MYO19: variants seen among roughly 807,000 people sequenced by gnomAD.
MYO19 encodes unconventional myosin-XIX.
MYO19 carries 132 observed loss-of-function variants against 129.2 expected under a neutral mutation model. The observed-to-expected ratio is 1.02, with a 90% CI of 0.89 to 1.18. MYO19 has a LOEUF of 1.18. Ranked by LOEUF, MYO19 falls within the 50% of genes most tolerant of loss-of-function variation. The pLI, the probability that MYO19 is intolerant of heterozygous loss-of-function variation, is 0.00. For missense variants in MYO19, 1,210 were observed against 1,216.7 expected, an observed-to-expected ratio of 0.99 and a Z score of 0.08; for synonymous variants, 531 against 477.2, an observed-to-expected ratio of 1.11 and a Z score of -1.47.
intron 13 of MYO19, 70 bp downstream of exon 13, chr17:36,510,676 T>C: frequency 6.7e-7 from 1 of 1,493,064 alleles, no homozygotes; most frequent in Non-Finnish European, 9.0e-7. Context: ...TGATGTTGTC[T>C]GGCCCAACCC....
intron 6 of MYO19, among the ~76,000 whole-genome samples, chr17:36,516,932 T>A (rs1016960787): frequency 7.2e-5 from 11 of 152,172 alleles, no homozygotes; most frequent in African/African-American, 2.7e-4. Context: ...CTGGTAACAT[T>A]TCTTCCTTAA....
chr17:36,498,004 G>C (rs1316942427), intron 25 of MYO19: 1 of 480,438 alleles, frequency 2.1e-6, no homozygotes, highest in African/African-American at 1.9e-5. Flanking sequence ...ATTGCATTTG[G>C]AAATGGGACT....
At chr17:36,506,823 TG>T in intron 17 of MYO19, 139 bp downstream of exon 17, 2 of 1,186,398 alleles carry the variant, frequency 1.7e-6, no homozygotes, top group Non-Finnish European at 2.3e-6. Context: ...CTCAGACAGG[TG>T]GGCCCAAGAT....
upstream of MYO19, among the ~76,000 whole-genome samples, chr17:36,539,759 C>A (rs1407332949): frequency 1.3e-5 from 2 of 152,176 alleles, no homozygotes; most frequent in Admixed American, 6.6e-5. Context: ...TACCTCAGAG[C>A]TTGCAATCTA....
intron 3 of MYO19, among the ~76,000 whole-genome samples, chr17:36,529,430 T>C (rs2073691912): frequency 6.6e-6 from 1 of 152,168 alleles, no homozygotes; most frequent in Admixed American, 6.5e-5. Context: ...TGAAGACAGG[T>C]ATCTTGCTGA....
rs749865008 is a variant in MYO19, at chr17:36,525,357, G to C, written c.301-16C>G. On this transcript the variant is annotated splice_polypyrimidine_tract_variant and intron_variant, in intron 5 of 25. Coordinates refer to ENST00000614623, the MANE Select transcript of MYO19 (RefSeq NM_001163735.2). ...GCTTCAGTTTCTGGAACATCAAGGA[G>C]TGAAAGGTCATGTGAGGGAATGCCT... is the stretch of plus-strand genomic sequence containing the variant. 6.4e-7 allele frequency: 1 copy of C among 1,569,742 alleles called. No homozygotes were observed. Among genetic ancestry groups the C allele is most frequent in the Non-Finnish European group, 8.8e-7 (1 of 1,140,410 alleles).
intron 25 of MYO19, among the ~76,000 whole-genome samples, chr17:36,497,390 A>C (rs575279547): frequency 2.0e-5 from 3 of 151,790 alleles, no homozygotes; most frequent in Non-Finnish European, 4.4e-5. Context: ...CCAGAAAAGG[A>C]AAAAACCAAG....
Position 36,525,314 on chromosome 17 carries a change from CCA to C in MYO19, c.326_327del (p.Val109GlyfsTer2), listed in dbSNP as rs753547266. 1 of 1,612,824 alleles carries C rather than the reference CCA, an allele frequency of 6.2e-7. No individual in the cohort carries two copies. Among genetic ancestry groups the C allele is most frequent in the East Asian group, 2.2e-5 (1 of 44,840 alleles). ...PQKLKPHVFT[V>X]GEQTYRNVKS... is the part of the protein sequence containing the mutation. ...TTGACATTCCTGTAGGTCTGTTCAC[CCA>C]CAGTGAACACATGGGGCTTCAGTTT... On this transcript the variant is annotated frameshift_variant, in exon 6 of 26. Coordinates refer to ENST00000614623, the MANE Select transcript of MYO19 (RefSeq NM_001163735.2). LOFTEE classifies it high-confidence loss of function.
chr17:36,503,005 T>A, intron 21 of MYO19, 92 bp downstream of exon 21: 2 of 1,065,168 alleles, frequency 1.9e-6, no homozygotes, highest in South Asian at 2.7e-5. Context: ...TATTCACCAG[T>A]AAGCCCCAGC....
intron 11 of MYO19, among the ~76,000 whole-genome samples, chr17:36,511,669 T>G (rs1400978547): frequency 6.6e-6 from 1 of 152,202 alleles, no homozygotes; most frequent in Admixed American, 6.5e-5. Flanking sequence ...GCTACGCCAC[T>G]GCCTATGATA....
chr17:36,510,802 G>A lies in MYO19; in HGVS notation c.1101C>T (p.Cys367=), dbSNP rs1239249877. 16 of 1,601,934 alleles carry A rather than the reference G, an allele frequency of 1.0e-5. No homozygotes were observed. Among genetic ancestry groups the A allele is most frequent in the East Asian group, 4.5e-5 (2 of 44,286 alleles). ...GRQQQVFRKP[C]ARAECDTRRD... ...TACGGGTGTCACACTCGGCTCGGGC[G>A]CAGGGCTTCCGGAACACCTGCTGCT... Residue 367 remains cysteine, a synonymous_variant, in exon 13 of 26, where the codon TGC becomes TGT. Coordinates refer to ENST00000614623, the MANE Select transcript of MYO19 (RefSeq NM_001163735.2).
upstream of MYO19, chr17:36,537,861 AT>A: frequency 6.2e-7 from 1 of 1,614,048 alleles, no homozygotes; most frequent in Non-Finnish European, 8.5e-7. Context: ...ACTGCTGTTG[AT>A]TATTTTTCCC....
chr17:36,529,277 A>C (rs2073682202), intron 3 of MYO19, among the ~76,000 whole-genome samples: 1 of 151,952 alleles, frequency 6.6e-6, no homozygotes, highest in African/African-American at 2.4e-5. Context: ...CTTCTGCCTC[A>C]GCTTCCTGAG....
At chr17:36,522,150 G>T (rs2073175305) in intron 6 of MYO19, among the ~76,000 whole-genome samples, 1 of 152,078 alleles carries the variant, frequency 6.6e-6, no homozygotes, top group African/African-American at 2.4e-5. Context: ...CAGATTTGAG[G>T]CAGAATAGAC....
In MYO19 at chr17:36,514,521, G is replaced by C. The variant is rs1346897191; in HGVS notation, c.645C>G (p.Val215=). 1.2e-6 allele frequency: 2 copies of C among 1,613,036 alleles called. No individual in the cohort carries two copies. The highest frequency in any genetic ancestry group is 1.7e-6 in the Non-Finnish European group (2 of 1,179,186). ...NRAQQMTGAA[V]QTYLLEKTRV... Reference sequence around the variant, plus strand: ...GAGTTTTCTCTAGGAGGTAGGTCTGGACTGCGGCTCCAGTCATTTGCTGAG... The same window carrying C: ...GAGTTTTCTCTAGGAGGTAGGTCTGCACTGCGGCTCCAGTCATTTGCTGAG... Residue 215 remains valine, a synonymous_variant, in exon 9 of 26, where the codon GTC becomes GTG. Transcript: ENST00000614623.
chr17:36,506,886 G>T, intron 17 of MYO19, 77 bp downstream of exon 17: 1 of 1,427,154 alleles, frequency 7.0e-7, no homozygotes, highest in Non-Finnish European at 9.3e-7. Context: ...CTCACGATGG[G>T]AAACTACTAT....
intron 3 of MYO19, among the ~76,000 whole-genome samples, chr17:36,531,778 G>A (rs1470559211): frequency 6.6e-6 from 1 of 152,106 alleles, no homozygotes; most frequent in Non-Finnish European, 1.5e-5. Flanking sequence ...GCTGATGTCA[G>A]GCACTTACCT....
intron 2 of MYO19, 49 bp from the exon 3 acceptor site, chr17:36,532,730 C>T (rs1416003179): frequency 1.5e-6 from 1 of 660,430 alleles, no homozygotes; most frequent in African/African-American, 1.8e-5. Context: ...GAGGGCTTTT[C>T]TGGAGTGACT....
chr17:36,521,691 A>G (rs1403554422), intron 6 of MYO19, among the ~76,000 whole-genome samples: 1 of 152,214 alleles, frequency 6.6e-6, no homozygotes, highest in Non-Finnish European at 1.5e-5. Context: ...CTTTGGGGGA[A>G]AAAAGAAATC....
Sources: gnomAD v4.1 joint callset for allele counts (sites outside exome capture counted in the v4.1 genomes callset) on GRCh38, gnomAD v4.1.1 for gene constraint, MANE v1.5 for transcripts, NCBI Gene and HGNC (gene_info 2026-07-23, HGNC 2026-07-21) for gene names.